Variants in VTA1 observed in about 807,000 individuals in gnomAD.
VTA1 encodes vesicle trafficking 1.
A neutral mutation model predicts 36.9 loss-of-function variants in VTA1; 24 were observed. That is an observed-to-expected ratio of 0.65 (90% CI 0.47 to 0.91). The LOEUF (loss-of-function observed/expected upper bound fraction) is 0.91. Among genes scored for constraint, VTA1 ranks in the 40% least tolerant of loss-of-function variants. The pLI is 0.00. For synonymous variants in VTA1, 142 were observed against 130.2 expected, an observed-to-expected ratio of 1.09 and a Z score of -0.62; for missense variants, 393 against 377.2, an observed-to-expected ratio of 1.04 and a Z score of -0.35.
intron 7 of VTA1, among the ~76,000 whole-genome samples, chr6:142,212,398 G>A (rs1352608866): frequency 1.3e-5 from 2 of 152,114 alleles, no homozygotes; most frequent in African/African-American, 4.8e-5. Context: ...ATATTACAAA[G>A]TGAAAGGAAC....
chr6:142,186,228 G>A (rs1257846165), intron 4 of VTA1, among the ~76,000 whole-genome samples: 1 of 152,044 alleles, frequency 6.6e-6, no homozygotes, highest in African/African-American at 2.4e-5. Flanking sequence ...GGCATGTGTA[G>A]TAACAGAAAA....
chr6:142,211,802 T>C (rs1464563477), intron 7 of VTA1, among the ~76,000 whole-genome samples: 5 of 149,560 alleles, frequency 3.3e-5, no homozygotes, highest in Non-Finnish European at 3.0e-5. Flanking sequence ...TAACAAAATA[T>C]ACGTAGAACT....
In VTA1 at chr6:142,189,490, G is replaced by A; in HGVS notation, c.476G>A (p.Gly159Glu). The A allele has an allele frequency of 6.2e-7, 1 of 1,613,936 alleles. No individual in the cohort carries two copies. The highest frequency in any genetic ancestry group is 8.5e-7 in the Non-Finnish European group (1 of 1,179,934). ...ATYIHNCLKN[G>E]ETPQAGPVGI... ...TACATCCATAATTGTTTAAAGAATG[G>A]GGAGACTCCTCAAGCAGGCCCTGTT... The change falls in exon 5 of 8, where the codon GGG (glycine) becomes GAG (glutamate). Residue 159 changes from glycine to glutamate, a missense_variant. By Grantham distance (98) the Gly-to-Glu change is moderately conservative. Coordinates refer to ENST00000367630, the MANE Select transcript of VTA1 (RefSeq NM_016485.5).
At chr6:142,162,696 G>T (rs1438500935) in intron 1 of VTA1, among the ~76,000 whole-genome samples, 14 of 152,146 alleles carry the variant, frequency 9.2e-5, no homozygotes, top group African/African-American at 3.1e-4. Context: ...GTATGAGTAT[G>T]CTTTTGCCAG....
chr6:142,156,678 TAC>T (rs1432479566), intron 1 of VTA1, among the ~76,000 whole-genome samples: 2 of 152,174 alleles, frequency 1.3e-5, no homozygotes, highest in Non-Finnish European at 2.9e-5. Context: ...AGTTAAAGTA[TAC>T]ACACAGTCTC....
rs1265860816 is a variant in VTA1 at position 142,198,117 on chromosome 6, A to ATGTGTGTGTGTG, written c.521-321_521-320insGTGTGTGTGTGT. Among the ~76,000 whole-genome samples, 120 of 78,646 alleles carry ATGTGTGTGTGTG rather than the reference A, an allele frequency of 1.5e-3. 1 individual carries two copies. The highest frequency in any genetic ancestry group is 4.0e-3 in the East Asian group (11 of 2,746). 51.6% of individuals were successfully genotyped at this position (78,646 alleles called of 152,430 possible). A position where few individuals can be genotyped will look rare whatever the true frequency, so the allele number is the denominator to read the frequency against. On this transcript the variant is annotated intron_variant, in intron 5 of 7. Coordinates refer to ENST00000367630, the MANE Select transcript of VTA1 (RefSeq NM_016485.5). The stretch of plus-strand genomic sequence containing the variant: ...GTCTCAAAAAAAAATATATATATAT[A>ATGTGTGTGTGTG]TATGTGTGTGTGTGTGTGTGTGTGT...
At chr6:142,150,946 C>G (rs190987004) in intron 1 of VTA1, among the ~76,000 whole-genome samples, 9 of 151,358 alleles carry the variant, frequency 5.9e-5, no homozygotes, top group Non-Finnish European at 1.3e-4. Flanking sequence ...ATGAAAGGTT[C>G]CAAAAGAGCA....
At position 142,170,327 on chromosome 6, in the gene VTA1, GC is replaced by G. The variant is rs1775004098; in HGVS notation, c.336-18del. ...ATGTGTTTCATATTTAAACTAGACCGCTCTCTTTTCTCTTCCAGAAACATGA... is the reference window on the plus strand; with the variant it reads ...ATGTGTTTCATATTTAAACTAGACCGTCTCTTTTCTCTTCCAGAAACATGA... On this transcript the variant is annotated intron_variant, in intron 3 of 7. Coordinates refer to ENST00000367630, the MANE Select transcript of VTA1 (RefSeq NM_016485.5). 10 of 1,427,928 alleles carry G rather than the reference GC, an allele frequency of 7.0e-6. No individual in the cohort carries two copies. In the African/African-American group the frequency reaches 9.2e-5, roughly 13 times the overall value. The allele number at this position is 1,427,928 out of a possible 1,614,324, so 88.5% of individuals were successfully genotyped here. A position where few individuals can be genotyped will look rare whatever the true frequency, so the allele number is the denominator to read the frequency against.
At chr6:142,206,112 AAAT>A (rs1250661426) in intron 7 of VTA1, among the ~76,000 whole-genome samples, 5 of 152,164 alleles carry the variant, frequency 3.3e-5, no homozygotes, top group African/African-American at 1.2e-4. Context: ...GGAAAAGAAA[AAAT>A]AACACTGTCT....
intron 1 of VTA1, among the ~76,000 whole-genome samples, chr6:142,164,236 T>C (rs1249402785): frequency 6.6e-6 from 1 of 152,206 alleles, no homozygotes; most frequent in Non-Finnish European, 1.5e-5. Context: ...AGATATTACC[T>C]TGTAAGGAGA....
chr6:142,179,593 C>T (rs911918651), intron 4 of VTA1, among the ~76,000 whole-genome samples: 2 of 151,808 alleles, frequency 1.3e-5, no homozygotes, highest in Admixed American at 6.6e-5. Flanking sequence ...AAAAAAGAGC[C>T]GGAAGTATAC....
chr6:142,158,057 T>C (rs1235510546), intron 1 of VTA1, among the ~76,000 whole-genome samples: 2 of 149,646 alleles, frequency 1.3e-5, no homozygotes, highest in African/African-American at 2.4e-5. Context: ...CTCCACACTT[T>C]TGTAGCTCCC....
At chr6:142,167,707 C>T (rs1774948202) in intron 2 of VTA1, among the ~76,000 whole-genome samples, 1 of 152,174 alleles carries the variant, frequency 6.6e-6, no homozygotes, top group Admixed American at 6.5e-5. Flanking sequence ...CTGTTAACTA[C>T]CCAAAATCAG....
chr6:142,172,574 ATTACC>A (rs1451608850), intron 4 of VTA1, among the ~76,000 whole-genome samples: 2 of 152,186 alleles, frequency 1.3e-5, no homozygotes, highest in Non-Finnish European at 2.9e-5. Flanking sequence ...CTCAATGGGT[ATTACC>A]TTTTTATATT....
intron 7 of VTA1, among the ~76,000 whole-genome samples, chr6:142,209,384 C>G: frequency 6.7e-6 from 1 of 148,226 alleles, no homozygotes; most frequent in Non-Finnish European, 1.5e-5. Context: ...TGTATATACA[C>G]TATGTGTATA....
intron 1 of VTA1, among the ~76,000 whole-genome samples, chr6:142,156,375 A>G (rs969893231): frequency 1.3e-5 from 2 of 152,200 alleles, no homozygotes; most frequent in East Asian, 1.9e-4. Context: ...AATCTCGGAG[A>G]TTCCCCTAAG....
intron 1 of VTA1, 21 bp from the exon 2 acceptor site, chr6:142,166,207 T>A (rs1053495260): frequency 6.5e-7 from 1 of 1,542,496 alleles, no homozygotes; most frequent in Non-Finnish European, 8.9e-7. Context: ...ATTGTTCAAA[T>A]TATCTTACTT....
At chr6:142,185,364 A>G (rs976656545) in intron 4 of VTA1, among the ~76,000 whole-genome samples, 2 of 152,074 alleles carry the variant, frequency 1.3e-5, no homozygotes, top group Non-Finnish European at 2.9e-5. Flanking sequence ...TACAGAGCCT[A>G]AAAGTATGTT....
chr6:142,222,254 G>GT lies in VTA1; in HGVS notation c.*3616dup, dbSNP rs1776126731. ...TTAGACTGAAGTACAATGTTTCCAA[G>GT]TTTTTGTGACCAGCCCAAGTGAAAC... On this transcript the variant is annotated 3_prime_UTR_variant, in exon 8 of 8. Coordinates refer to ENST00000367630, the MANE Select transcript of VTA1 (RefSeq NM_016485.5). 1 of 152,144 alleles carries GT rather than the reference G, an allele frequency of 6.6e-6. No individual in the cohort carries two copies. Among genetic ancestry groups the GT allele is most frequent in the Admixed American group, 6.6e-5 (1 of 15,262 alleles). 9.4% of individuals were successfully genotyped at this position (152,144 alleles called of 1,614,324 possible). A position where few individuals can be genotyped will look rare whatever the true frequency, so the allele number is the denominator to read the frequency against.
Sources: allele counts gnomAD v4.1 joint callset (sites outside exome capture counted in the v4.1 genomes callset), GRCh38; gene constraint gnomAD v4.1.1; transcripts MANE v1.5; gene names NCBI Gene and HGNC (gene_info 2026-07-23, HGNC 2026-07-21).